FRMD4A: variants seen among roughly 807,000 people sequenced by gnomAD.
FRMD4A encodes the protein FERM domain-containing protein 4A.
In FRMD4A, 29 loss-of-function variants were observed where a neutral mutation model predicts 129.1. That is an observed-to-expected ratio of 0.22 (90% CI 0.17 to 0.31). The LOEUF (loss-of-function observed/expected upper bound fraction) is 0.31. Ranked by LOEUF, FRMD4A falls within the 10% of genes least tolerant of loss-of-function variation. FRMD4A has a pLI of 1.00. For missense variants in FRMD4A, 1,272 were observed against 1,375.8 expected, an observed-to-expected ratio of 0.92 and a Z score of 1.19; for synonymous variants, 634 against 571.6, an observed-to-expected ratio of 1.11 and a Z score of -1.56.
chr10:14,106,439 G>GGA (rs1335838330), intron 2 of FRMD4A, among the ~76,000 whole-genome samples: 1 of 152,194 alleles, frequency 6.6e-6, no homozygotes, highest in Non-Finnish European at 1.5e-5. Flanking sequence ...ATTACTACTG[G>GGA]ATTGGTTGTT....
At chr10:14,104,623 G>T (rs567134988) in intron 2 of FRMD4A, among the ~76,000 whole-genome samples, 1 of 152,198 alleles carries the variant, frequency 6.6e-6, no homozygotes, top group Non-Finnish European at 1.5e-5. Flanking sequence ...GAGTAGAAAG[G>T]CCAGTGAGAC....
chr10:13,972,340 A>T, intron 2 of FRMD4A: 4 of 985,526 alleles, frequency 4.1e-6, no homozygotes, highest in Non-Finnish European at 3.6e-6. Context: ...TCAAGCAAAA[A>T]GTCCCATTCT....
chr10:13,689,523 A>C (rs1381930833), intron 15 of FRMD4A, among the ~76,000 whole-genome samples: 1 of 139,626 alleles, frequency 7.2e-6, no homozygotes, highest in Non-Finnish European at 1.5e-5. Context: ...GGTACCATAC[A>C]CTCTAGGAAC....
chr10:14,305,461 G>A (rs1283961012), intron 2 of FRMD4A, among the ~76,000 whole-genome samples: 16 of 152,036 alleles, frequency 1.1e-4, no homozygotes, highest in Admixed American at 9.8e-4. Flanking sequence ...AACATATATT[G>A]GAATCTACAA....
At chr10:14,304,343 G>T (rs1243027509) in intron 2 of FRMD4A, among the ~76,000 whole-genome samples, 2 of 152,160 alleles carry the variant, frequency 1.3e-5, no homozygotes, top group Non-Finnish European at 2.9e-5. Flanking sequence ...TGATGGGTGT[G>T]AAGTGACATC....
intron 12 of FRMD4A, among the ~76,000 whole-genome samples, chr10:13,713,903 CATATATGTAAT>C (rs1251859071): frequency 8.0e-6 from 1 of 125,242 alleles, no homozygotes; most frequent in African/African-American, 3.1e-5. Context: ...ATAATATATA[CATATATGTAAT>C]ATATATACAT....
intron 2 of FRMD4A, among the ~76,000 whole-genome samples, chr10:14,248,817 C>G (rs1844335292): frequency 6.6e-6 from 1 of 152,192 alleles, no homozygotes; most frequent in Non-Finnish European, 1.5e-5. Flanking sequence ...AGTAAGCACT[C>G]CAAACAAGCA....
chr10:14,099,677 C>A (rs1027985288), intron 2 of FRMD4A, among the ~76,000 whole-genome samples: 4 of 152,176 alleles, frequency 2.6e-5, no homozygotes, highest in Non-Finnish European at 5.9e-5. Flanking sequence ...CAAGGGTCAG[C>A]TGTATTTACT....
intron 2 of FRMD4A, chr10:13,891,734 G>T: frequency 2.0e-6 from 2 of 984,270 alleles, no homozygotes; most frequent in Non-Finnish European, 2.4e-6. Flanking sequence ...CCTACTAGGC[G>T]GCCTTGGCGC....
At chr10:13,884,969 A>G (rs921031104) in intron 2 of FRMD4A, among the ~76,000 whole-genome samples, 3 of 152,236 alleles carry the variant, frequency 2.0e-5, no homozygotes, top group African/African-American at 7.2e-5. Context: ...TTCTACAGCC[A>G]GCTGGCTTCT....
intron 2 of FRMD4A, among the ~76,000 whole-genome samples, chr10:14,168,314 G>A (rs1205293875): frequency 1.3e-5 from 2 of 152,186 alleles, no homozygotes; most frequent in African/African-American, 4.8e-5. Context: ...GTCCAACCTC[G>A]TAAGAGCTGA....
At chr10:13,731,307 G>T (rs2135021373) in intron 12 of FRMD4A, among the ~76,000 whole-genome samples, 1 of 152,272 alleles carries the variant, frequency 6.6e-6, no homozygotes, top group South Asian at 2.1e-4. Context: ...AAGGACTGAA[G>T]TAGATTTACT....
chr10:14,027,541 G>T (rs1238766797), intron 2 of FRMD4A, among the ~76,000 whole-genome samples: 1 of 152,184 alleles, frequency 6.6e-6, no homozygotes, highest in African/African-American at 2.4e-5. Context: ...GCTTGAACCT[G>T]GGAGACAGAG....
intron 2 of FRMD4A, among the ~76,000 whole-genome samples, chr10:14,167,206 C>T (rs113471280): frequency 7.2e-5 from 11 of 152,124 alleles, no homozygotes; most frequent in African/African-American, 1.7e-4. Context: ...AAAATAAGTA[C>T]GTCATATATA....
At position 13,774,483 on chromosome 10, in the gene FRMD4A, G is replaced by A. The variant is rs538797921; in HGVS notation, c.384+8439C>T. On this transcript the variant is annotated intron_variant, in intron 6 of 24. Coordinates refer to ENST00000357447, the MANE Select transcript of FRMD4A (RefSeq NM_018027.5). ...GGACCGGAAGTGCAGGAATTACATGGAATTCTATACCCAGTGTGGAGACTG... is the reference window on the plus strand; with the variant it reads ...GGACCGGAAGTGCAGGAATTACATGAAATTCTATACCCAGTGTGGAGACTG... Among the ~76,000 whole-genome samples the A allele has an allele frequency of 3.9e-5, 6 of 152,382 alleles. No homozygotes were observed. In the South Asian group the frequency reaches 1.0e-3, roughly 26 times the overall value.
At chr10:14,126,670 C>A (rs1838859319) in intron 2 of FRMD4A, among the ~76,000 whole-genome samples, 1 of 152,170 alleles carries the variant, frequency 6.6e-6, no homozygotes, top group South Asian at 2.1e-4. Flanking sequence ...TCTGGACCAC[C>A]CCTGGGCTGA....
At chr10:14,144,258 C>G (rs1455320605) in intron 2 of FRMD4A, among the ~76,000 whole-genome samples, 1 of 152,136 alleles carries the variant, frequency 6.6e-6, no homozygotes, top group Non-Finnish European at 1.5e-5. Context: ...GGAGCTGCAG[C>G]AGTCACATTA....
chr10:13,655,208 A>G (rs1319696850), intron 22 of FRMD4A: 1 of 152,272 alleles, frequency 6.6e-6, no homozygotes, highest in Admixed American at 6.5e-5. Context: ...CCTTTCCATC[A>G]GTAAACCTCA....
chr10:14,293,157 G>A (rs1236873516), intron 2 of FRMD4A, among the ~76,000 whole-genome samples: 1 of 152,150 alleles, frequency 6.6e-6, no homozygotes, highest in Non-Finnish European at 1.5e-5. Context: ...AGTGTTGAGA[G>A]GTGTGGCCTA....
Sources: allele counts gnomAD v4.1 joint callset (sites outside exome capture counted in the v4.1 genomes callset), GRCh38; gene constraint gnomAD v4.1.1; transcripts MANE v1.5; gene names NCBI Gene and HGNC (gene_info 2026-07-23, HGNC 2026-07-21).